SETD2: variants seen among roughly 807,000 people sequenced by gnomAD.
SETD2 encodes the protein histone-lysine N-methyltransferase SETD2.
SETD2 carries 31 observed loss-of-function variants against 242.1 expected under a neutral mutation model. The ratio of observed to expected loss-of-function variants is 0.13; its 90% CI spans 0.10 to 0.17. The LOEUF (loss-of-function observed/expected upper bound fraction) is 0.17. Ranked by LOEUF, SETD2 falls within the 10% of genes least tolerant of loss-of-function variation. The probability of loss-of-function intolerance (pLI) is 1.00; values close to 1 mark genes in which losing one functional copy is unlikely to be tolerated. For missense variants in SETD2, 2,481 were observed against 3,046.3 expected (o/e 0.81, Z 4.37); for synonymous variants, 1,006 against 1,066.5 (o/e 0.94, Z 1.11).
At chr3:47,090,429 G>A (rs891540617) in intron 9 of SETD2, among the ~76,000 whole-genome samples, 2 of 151,544 alleles carry the variant, frequency 1.3e-5, no homozygotes, top group Non-Finnish European at 2.9e-5. Context: ...TCGCTCTGTC[G>A]CCCAGACTGG....
At chr3:47,091,182 C>A (rs2041789375) in intron 9 of SETD2, among the ~76,000 whole-genome samples, 1 of 152,130 alleles carries the variant, frequency 6.6e-6, no homozygotes, top group Non-Finnish European at 1.5e-5. Flanking sequence ...CTTTTCCTTG[C>A]ATATCCTAAA....
At chr3:47,116,781 G>C (rs374722813) in intron 3 of SETD2, 27 bp from the exon 4 acceptor site, 5 of 1,471,478 alleles carry the variant, frequency 3.4e-6, no homozygotes, top group Non-Finnish European at 4.7e-6. Flanking sequence ...CATAAAAACT[G>C]ATTAAATAAA....
chr3:47,143,987 G>A (rs1237049077), intron 1 of SETD2, among the ~76,000 whole-genome samples: 1 of 152,136 alleles, frequency 6.6e-6, no homozygotes, highest in Non-Finnish European at 1.5e-5. Flanking sequence ...CGGGATTACA[G>A]GCATGAGCCA....
At chr3:47,119,410 G>A (rs1200544401) in intron 3 of SETD2, 1 of 152,766 alleles carries the variant, frequency 6.5e-6, no homozygotes, top group Non-Finnish European at 1.5e-5. Flanking sequence ...AAAAATGAGA[G>A]AAGAAAATTA....
chr3:47,110,876 TC>T (rs956257930), intron 5 of SETD2, among the ~76,000 whole-genome samples: 1 of 151,970 alleles, frequency 6.6e-6, no homozygotes, highest in Non-Finnish European at 1.5e-5. Flanking sequence ...GAGCCATATA[TC>T]CTTTCCTCCC....
chr3:47,096,734 G>A (rs113165859), intron 9 of SETD2, among the ~76,000 whole-genome samples: 10,317 of 151,656 alleles, frequency 0.068, 1,192 homozygotes, highest in African/African-American at 0.23. Context: ...GGAACAGTGC[G>A]AGACGTTGTC....
intron 12 of SETD2, among the ~76,000 whole-genome samples, chr3:47,076,550 C>T (rs1300389069): frequency 2.6e-5 from 4 of 152,108 alleles, no homozygotes; most frequent in Non-Finnish European, 5.9e-5. Context: ...ATAAAAGTAA[C>T]TCTTACTACA....
Position 47,124,123 on chromosome 3 carries a change from T to C in SETD2, c.513A>G (p.Ala171=), listed in dbSNP as rs2106720695. 1 of 1,551,990 alleles carries C rather than the reference T, an allele frequency of 6.4e-7. No individual in the cohort carries two copies. Among genetic ancestry groups the C allele is most frequent in the Non-Finnish European group, 8.7e-7 (1 of 1,147,062 alleles). ...ATTCTGCTATCACTGCTGGTAATGG[T>C]GCTGCATGAGTAGGTGGAGATGCTA... ...TAVASPPTHA[A]PLPAVIAEST... is the part of the protein sequence containing the mutation. The change falls in exon 3 of 21, where the codon GCA becomes GCG. Residue 171 remains alanine (A), a synonymous_variant. Coordinates refer to ENST00000409792, the MANE Select transcript of SETD2 (RefSeq NM_014159.7).
At position 47,108,804 on chromosome 3, in the gene SETD2, A is replaced by G. The variant is rs139698756; in HGVS notation, c.4716-2684T>C. ...CCAGCTGCCTGACCTCCAAAAAACT[A>G]AATGAGGCCAGTGTAAAAGTCTATC... On this transcript the variant is annotated intron_variant, in intron 5 of 20. Coordinates refer to ENST00000409792, the MANE Select transcript of SETD2 (RefSeq NM_014159.7). Among the ~76,000 whole-genome samples, 269 of 152,352 alleles carry G rather than the reference A, an allele frequency of 1.8e-3. 1 individual carries two copies. The highest frequency in any genetic ancestry group is 6.1e-3 in the African/African-American group (255 of 41,576).
chr3:47,113,754 G>T, intron 5 of SETD2, 122 bp downstream of exon 5: 1 of 843,610 alleles, frequency 1.2e-6, no homozygotes. Flanking sequence ...CAGGAGAATT[G>T]CTTGAATCCG....
chr3:47,056,098 A>ATTTT (rs1236979636), intron 15 of SETD2, among the ~76,000 whole-genome samples: 44 of 32,560 alleles, frequency 1.4e-3, no homozygotes, highest in Non-Finnish European at 4.2e-4. Flanking sequence ...CATGATTTTT[A>ATTTT]TTTATTTATT....
At chr3:47,142,670 C>CTT (rs376806677) in intron 1 of SETD2, among the ~76,000 whole-genome samples, 3 of 139,652 alleles carry the variant, frequency 2.1e-5, no homozygotes, top group Admixed American at 1.4e-4. Context: ...TATACATTGT[C>CTT]TTTTTTTTTT....
At chr3:47,055,321 T>G (rs1272785014) in intron 15 of SETD2, among the ~76,000 whole-genome samples, 1 of 152,218 alleles carries the variant, frequency 6.6e-6, no homozygotes, top group Non-Finnish European at 1.5e-5. Flanking sequence ...ACATCCACAA[T>G]AATTCATTTT....
chr3:47,116,569 T>C, intron 4 of SETD2, 54 bp downstream of exon 4: 1 of 1,538,326 alleles, frequency 6.5e-7, no homozygotes, highest in Non-Finnish European at 8.8e-7. Flanking sequence ...ATTCAATATT[T>C]AGAGACATTT....
chr3:47,072,943 T>A (rs1233206692), intron 12 of SETD2, among the ~76,000 whole-genome samples: 1 of 132,488 alleles, frequency 7.5e-6, no homozygotes, highest in South Asian at 2.3e-4. Context: ...CGAGACTCCA[T>A]CTCAAAAAAA....
rs572675986 is a variant in SETD2 at position 47,062,601 on chromosome 3, C to T, written c.6110-255G>A. Among the ~76,000 whole-genome samples the T allele has an allele frequency of 1.6e-4, 24 of 152,146 alleles. No individual in the cohort carries two copies. In the South Asian group the frequency reaches 3.9e-3, roughly 25 times the overall value. The stretch of plus-strand genomic sequence containing the variant: ...TTCCCTCCAAAGACTCAGTCTAAGC[C>T]GTTAACATTTCTATAATAAGTTCTG... On this transcript the variant is annotated intron_variant, in intron 13 of 20. Transcript: ENST00000409792.
chr3:47,125,572 T>C (rs1222784180), intron 2 of SETD2, among the ~76,000 whole-genome samples: 1 of 152,210 alleles, frequency 6.6e-6, no homozygotes, highest in Non-Finnish European at 1.5e-5. Flanking sequence ...GTTTTACAGA[T>C]GAGGTAACCA....
intron 18 of SETD2, among the ~76,000 whole-genome samples, chr3:47,026,192 A>G (rs900124121): frequency 1.3e-5 from 2 of 152,246 alleles, no homozygotes; most frequent in South Asian, 4.1e-4. Flanking sequence ...CAGCCAACAA[A>G]CATATGAAAA....
chr3:47,042,535 G>A (rs1461673942), intron 17 of SETD2, 26 bp downstream of exon 17: 2 of 1,612,632 alleles, frequency 1.2e-6, no homozygotes, highest in East Asian at 2.2e-5. Context: ...AAGCAGACAT[G>A]GGAACGCCCA....
Sources: gnomAD v4.1 joint callset for allele counts (sites outside exome capture counted in the v4.1 genomes callset) on GRCh38, gnomAD v4.1.1 for gene constraint, MANE v1.5 for transcripts, NCBI Gene and HGNC (gene_info 2026-07-23, HGNC 2026-07-21) for gene names.